The following TP53BP1 variants were observed in gnomAD, a reference collection of about 807,000 sequenced individuals.
The protein encoded by TP53BP1 is tumor protein p53 binding protein 1.
In TP53BP1, 61 loss-of-function variants were observed where a neutral mutation model predicts 200.8. That is an observed-to-expected ratio of 0.30 (90% CI 0.25 to 0.38). The LOEUF (loss-of-function observed/expected upper bound fraction) is 0.38. Ranked by LOEUF, TP53BP1 falls within the 10% of genes least tolerant of loss-of-function variation. TP53BP1 has a pLI of 1.00. For missense variants in TP53BP1, 2,144 were observed against 2,371.9 expected (o/e 0.90, Z 2.00); for synonymous variants, 822 against 844.3 (o/e 0.97, Z 0.46).
intron 8 of TP53BP1, among the ~76,000 whole-genome samples, chr15:43,476,685 C>T (rs898288083): frequency 6.6e-6 from 1 of 152,214 alleles, no homozygotes; most frequent in Admixed American, 6.5e-5. Flanking sequence ...GAATGTCTTG[C>T]ACAGCAACCT....
chr15:43,433,297 AT>A (rs557880762), intron 16 of TP53BP1, among the ~76,000 whole-genome samples: 10 of 152,082 alleles, frequency 6.6e-5, no homozygotes, highest in African/African-American at 2.2e-4. Context: ...GATACAGCCC[AT>A]TTTTTTTCAT....
At position 43,493,108 on chromosome 15, in the gene TP53BP1, C is replaced by A. The variant is rs1460471266; in HGVS notation, c.-65G>T. On this transcript the variant is annotated 5_prime_UTR_variant, in exon 1 of 28. Transcript: ENST00000382044. ...GCACGCTCCCCAAGTCCCTCCAGATCGATCCCTAGGTCGCCGCTGTCGCCA... is the reference window on the plus strand; with the variant it reads ...GCACGCTCCCCAAGTCCCTCCAGATAGATCCCTAGGTCGCCGCTGTCGCCA... The A allele has an allele frequency of 6.2e-7, 1 of 1,604,706 alleles. No individual in the cohort carries two copies. Among genetic ancestry groups the A allele is most frequent in the Admixed American group, 1.7e-5 (1 of 59,022 alleles).
intron 27 of TP53BP1, 31 bp from the exon 28 acceptor site, chr15:43,407,601 A>G (rs1171875447): frequency 4.4e-6 from 7 of 1,588,006 alleles, no homozygotes; most frequent in Middle Eastern, 3.4e-4. Flanking sequence ...TGAAGAAGGA[A>G]AGGACACTCA....
chr15:43,483,260 A>G (rs2078999647), intron 4 of TP53BP1, among the ~76,000 whole-genome samples: 2 of 151,894 alleles, frequency 1.3e-5, no homozygotes, highest in African/African-American at 4.8e-5. Flanking sequence ...ACACACACAC[A>G]CACACACACA....
At chr15:43,410,432 G>C (rs1229477639) in intron 24 of TP53BP1, among the ~76,000 whole-genome samples, 1 of 152,044 alleles carries the variant, frequency 6.6e-6, no homozygotes, top group East Asian at 1.9e-4. Context: ...TGAAGTAGAA[G>C]ATATGAGAGA....
In TP53BP1 at chr15:43,403,720, A is replaced by C; in HGVS notation, c.*3663T>G. 2.5e-6 allele frequency: 4 copies of C among 1,613,302 alleles called. No homozygotes were observed. The East Asian group carries it at 8.9e-5, about 36-fold the overall frequency. ...CTGAATGAAATCCTAGATCTCTGTC[A>C]CAGTTTTTGTTCGCTGGTCAGTCAG... On this transcript the variant is annotated 3_prime_UTR_variant, in exon 28 of 28. Transcript: ENST00000382044.
chr15:43,447,738 T>A (rs2467738), intron 12 of TP53BP1, among the ~76,000 whole-genome samples: 69,642 of 151,636 alleles, frequency 0.46, 20,729 homozygotes, highest in African/African-American at 0.85. Flanking sequence ...ACAGGCAAAT[T>A]GAGAAAGCCC....
rs973967677 is a variant in TP53BP1, at chr15:43,440,514, C to T, written c.3098+1012G>A. 6.3e-5 allele frequency among the ~76,000 whole-genome samples: 6 copies of T among 94,964 alleles called. No individual in the cohort carries two copies. In the East Asian group the frequency reaches 9.2e-4, roughly 15 times the overall value. The allele number at this position is 94,964 out of a possible 152,430, so 62.3% of individuals were successfully genotyped here. ...TGGATGACAGAGTGAGACTCCGTCT[C>T]AAAAAAAAAAACAAAAAAAAAACAC... On this transcript the variant is annotated intron_variant, in intron 15 of 27. Coordinates refer to ENST00000382044, the MANE Select transcript of TP53BP1 (RefSeq NM_001141980.3).
intron 16 of TP53BP1, among the ~76,000 whole-genome samples, chr15:43,435,106 C>CA (rs909815943): frequency 5.8e-4 from 87 of 151,038 alleles, no homozygotes; most frequent in African/African-American, 2.1e-3. Context: ...ACTAAAAATA[C>CA]AAAAAAAATA....
intron 1 of TP53BP1, among the ~76,000 whole-genome samples, chr15:43,506,878 G>A (rs1324197367): frequency 6.6e-6 from 1 of 152,028 alleles, no homozygotes; most frequent in Non-Finnish European, 1.5e-5. Context: ...TTTGCAAAGG[G>A]TGTAACTTCA....
At chr15:43,505,653 T>C (rs1412137726) in intron 1 of TP53BP1, among the ~76,000 whole-genome samples, 2 of 152,182 alleles carry the variant, frequency 1.3e-5, no homozygotes, top group African/African-American at 4.8e-5. Context: ...AAATAATAAT[T>C]AGAAAAATAT....
At chr15:43,487,264 G>A (rs1266216351) in intron 4 of TP53BP1, among the ~76,000 whole-genome samples, 3 of 151,908 alleles carry the variant, frequency 2.0e-5, no homozygotes, top group African/African-American at 4.8e-5. Context: ...ACAACAATGA[G>A]GTATCACTAC....
chr15:43,438,181 T>C (rs2045844344), intron 16 of TP53BP1, 143 bp downstream of exon 16: 1 of 617,726 alleles, frequency 1.6e-6, no homozygotes, highest in Non-Finnish European at 2.8e-6. Flanking sequence ...ATACCACTAA[T>C]TACCTCTCAA....
At position 43,446,565 on chromosome 15, in the gene TP53BP1, G is replaced by A. The variant is rs1217818600; in HGVS notation, c.2862C>T (p.Thr954=). The A allele has an allele frequency of 1.2e-6, 2 of 1,613,916 alleles. No homozygotes were observed. Among genetic ancestry groups the A allele is most frequent in the African/African-American group, 2.7e-5 (2 of 74,908 alleles). ...PIGISNYPES[T]IATSDVMSES... Reference sequence around the variant, plus strand: ...CAGACATGACATCACTGGTTGCTATGGTGCTTTCTGGATAGTTGCTAATAC... The same window carrying A: ...CAGACATGACATCACTGGTTGCTATAGTGCTTTCTGGATAGTTGCTAATAC... Residue 954 remains threonine, a synonymous_variant, in exon 14 of 28, where the codon ACC becomes ACT. Transcript: ENST00000382044.
chr15:43,407,141 G>A lies in TP53BP1; in HGVS notation c.*242C>T. 1 of 448,790 alleles carries A rather than the reference G, an allele frequency of 2.2e-6. No homozygotes were observed. The highest frequency in any genetic ancestry group is 3.8e-5 in the East Asian group (1 of 26,586). The allele number at this position is 448,790 out of a possible 1,614,324, so 27.8% of individuals were successfully genotyped here. On this transcript the variant is annotated 3_prime_UTR_variant, in exon 28 of 28. Transcript: ENST00000382044. Reference sequence around the variant, plus strand: ...CCGTAAGTGAATAAGCCTGTTGAAAGACTCAGAGAAAGTACTATGTCTTGT... The same window carrying A: ...CCGTAAGTGAATAAGCCTGTTGAAAAACTCAGAGAAAGTACTATGTCTTGT...
chr15:43,407,085 T>TAAC lies in TP53BP1; in HGVS notation c.*295_*297dup, dbSNP rs1555397906. The TAAC allele has an allele frequency of 6.5e-6, 2 of 307,920 alleles. No individual in the cohort carries two copies. The highest frequency in any genetic ancestry group is 6.1e-6 in the Non-Finnish European group (1 of 163,642). The allele number at this position is 307,920 out of a possible 1,614,324, so 19.1% of individuals were successfully genotyped here. A position where few individuals can be genotyped will look rare whatever the true frequency, so the allele number is the denominator to read the frequency against. On this transcript the variant is annotated 3_prime_UTR_variant, in exon 28 of 28. Transcript: ENST00000382044. ...GATGCCACAGAATAAAGTTCACTCT[T>TAAC]AACTTTTCAATTTCCTTGGCCAGCT... is the stretch of plus-strand genomic sequence containing the variant.
At chr15:43,438,463 A>C in intron 15 of TP53BP1, 47 bp from the exon 16 acceptor site, 1 of 1,507,528 alleles carries the variant, frequency 6.6e-7, no homozygotes, top group Non-Finnish European at 9.1e-7. Context: ...TGAAAAGAAA[A>C]GTACTTTTGG....
chr15:43,476,033 G>A (rs986038487), intron 8 of TP53BP1, among the ~76,000 whole-genome samples: 1 of 152,168 alleles, frequency 6.6e-6, no homozygotes, highest in Non-Finnish European at 1.5e-5. Flanking sequence ...GGGAGGCTGA[G>A]GCGGGTGGAT....
At chr15:43,417,651 C>A (rs916749211) in intron 21 of TP53BP1, among the ~76,000 whole-genome samples, 1 of 152,138 alleles carries the variant, frequency 6.6e-6, no homozygotes, top group African/African-American at 2.4e-5. Flanking sequence ...CAAATATGAA[C>A]CCCTAAGAGT....
Sources: allele counts gnomAD v4.1 joint callset (sites outside exome capture counted in the v4.1 genomes callset), GRCh38; gene constraint gnomAD v4.1.1; transcripts MANE v1.5; gene names NCBI Gene and HGNC (gene_info 2026-07-23, HGNC 2026-07-21).